Variants in BLTP1 observed in about 807,000 individuals in gnomAD.
The protein encoded by BLTP1 is fragile site-associated protein.
At chr4:122,177,223 A>G in the BLTP1 span, among the ~76,000 whole-genome samples, 4 of 152,198 alleles carry the variant, frequency 2.6e-5, no homozygotes, top group Non-Finnish European at 1.5e-5. Context: ...GCTCAGGCCA[A>G]AAATCTTGAC....
chr4:122,275,958 C>T, the BLTP1 span: 1 of 1,534,442 alleles, frequency 6.5e-7, no homozygotes, highest in Non-Finnish European at 8.7e-7. Context: ...TTTCTCTTGA[C>T]TCTTCATCTG....
At chr4:122,189,500 TATTA>T in the BLTP1 span, 1 of 880,806 alleles carries the variant, frequency 1.1e-6, no homozygotes, top group Non-Finnish European at 1.4e-6. Flanking sequence ...ATAACTTTTT[TATTA>T]TTTAATGTTT....
At chr4:122,255,015 T>C in the BLTP1 span, 3 of 1,501,060 alleles carry the variant, frequency 2.0e-6, no homozygotes, top group Non-Finnish European at 2.7e-6. Context: ...TGACCCCTTA[T>C]TGTTAATCAT....
At chr4:122,255,280 A>G in the BLTP1 span, 1 of 1,587,392 alleles carries the variant, frequency 6.3e-7, no homozygotes, top group Non-Finnish European at 8.6e-7. Context: ...ATGATGCTAC[A>G]ATGGTAAGTT....
chr4:122,200,653 A>G, the BLTP1 span: 1 of 984,592 alleles, frequency 1.0e-6, no homozygotes, highest in South Asian at 4.7e-5. Flanking sequence ...TACGCATCAC[A>G]CTCTATCTTC....
the BLTP1 span, chr4:122,348,491 A>G: frequency 8.0e-7 from 1 of 1,247,914 alleles, no homozygotes; most frequent in Non-Finnish European, 1.1e-6. Flanking sequence ...GGATTATAGC[A>G]ATAAAAATAG....
At chr4:122,164,897 G>A in the BLTP1 span, among the ~76,000 whole-genome samples, 1 of 152,006 alleles carries the variant, frequency 6.6e-6, no homozygotes, top group Non-Finnish European at 1.5e-5. Context: ...CACATTCATG[G>A]TGATATGTAA....
the BLTP1 span, chr4:122,325,208 A>T: frequency 6.3e-7 from 1 of 1,577,306 alleles, no homozygotes; most frequent in Middle Eastern, 1.7e-4. Context: ...TTGGTGTTTT[A>T]TAACTTTATA....
the BLTP1 span, chr4:122,237,944 C>T: frequency 1.5e-5 from 12 of 781,838 alleles, no homozygotes; most frequent in South Asian, 2.4e-5. Context: ...GATCGTGCCA[C>T]TGTATTCCAG....
At chr4:122,231,590 T>C in the BLTP1 span, 14 of 885,062 alleles carry the variant, frequency 1.6e-5, no homozygotes, top group Non-Finnish European at 1.9e-5. Flanking sequence ...ACTTTAATTT[T>C]ATGCATTCAA....
At chr4:122,172,500 A>C in the BLTP1 span, 1 of 217,498 alleles carries the variant, frequency 4.6e-6, no homozygotes, top group African/African-American at 2.3e-5. Context: ...TGTCTTACCC[A>C]TCACAGCAAA....
At chr4:122,292,951 G>A in the BLTP1 span, 1 of 457,344 alleles carries the variant, frequency 2.2e-6, no homozygotes, top group Non-Finnish European at 2.9e-6. Flanking sequence ...TACCCCAAAG[G>A]CTAATCCAAA....
chr4:122,216,976 T>A, the BLTP1 span, among the ~76,000 whole-genome samples: 1 of 152,142 alleles, frequency 6.6e-6, no homozygotes, highest in African/African-American at 2.4e-5. Context: ...ATTCTTCTAC[T>A]TGTGGCTTGC....
the BLTP1 span, chr4:122,170,767 A>G: frequency 1.3e-6 from 2 of 1,543,200 alleles, no homozygotes; most frequent in Non-Finnish European, 1.8e-6. Flanking sequence ...TTTTTCTTCT[A>G]TTTTATTGTG....
chr4:122,167,493 C>T, the BLTP1 span, among the ~76,000 whole-genome samples: 2 of 152,124 alleles, frequency 1.3e-5, no homozygotes, highest in African/African-American at 4.8e-5. Context: ...ATGCTCTTTT[C>T]TCTCTGCTCA....
At chr4:122,317,065 C>T in the BLTP1 span, among the ~76,000 whole-genome samples, 18 of 152,118 alleles carry the variant, frequency 1.2e-4, no homozygotes, top group South Asian at 1.2e-3. Flanking sequence ...GGCATGGTGG[C>T]TGATGCCTGT....
At chr4:122,271,552 G>C in the BLTP1 span, 1 of 1,613,402 alleles carries the variant, frequency 6.2e-7, no homozygotes, top group Non-Finnish European at 8.5e-7. Context: ...CAAAAGATGT[G>C]GTGGATCACA....
the BLTP1 span, chr4:122,269,481 T>TC: frequency 2.0e-6 from 2 of 985,160 alleles, no homozygotes; most frequent in Non-Finnish European, 2.4e-6. Flanking sequence ...ACGCGCCAGC[T>TC]CCGATGCTCC....
chr4:122,215,039 A>G, the BLTP1 span, among the ~76,000 whole-genome samples: 1 of 152,206 alleles, frequency 6.6e-6, no homozygotes, highest in Admixed American at 6.5e-5. Context: ...TATAATTTTA[A>G]AAGTACATTT....
Sources: allele counts gnomAD v4.1 joint callset (sites outside exome capture counted in the v4.1 genomes callset), GRCh38; gene constraint gnomAD v4.1.1; transcripts MANE v1.5; gene names NCBI Gene and HGNC (gene_info 2026-07-23, HGNC 2026-07-21).